TMEM62: variants seen among roughly 807,000 people sequenced by gnomAD.
TMEM62 encodes the protein transmembrane protein 62.
A neutral mutation model predicts 70.4 loss-of-function variants in TMEM62; 41 were observed. The observed-to-expected ratio is 0.58, with a 90% CI of 0.45 to 0.76. The LOEUF (loss-of-function observed/expected upper bound fraction) is 0.76, where lower values mean the gene tolerates loss of function less well. Ranked by LOEUF, TMEM62 falls within the 30% of genes least tolerant of loss-of-function variation. TMEM62 has a pLI of 0.00. For missense variants in TMEM62, 688 were observed against 788.5 expected, an observed-to-expected ratio of 0.87 and a Z score of 1.53; for synonymous variants, 268 against 291.0, an observed-to-expected ratio of 0.92 and a Z score of 0.80.
intron 10 of TMEM62, among the ~76,000 whole-genome samples, chr15:43,164,366 TAC>T (rs1235460708): frequency 6.6e-6 from 1 of 152,192 alleles, no homozygotes; most frequent in Non-Finnish European, 1.5e-5. Context: ...GTACCACAAT[TAC>T]AGTGTCAGAG....
intron 9 of TMEM62, among the ~76,000 whole-genome samples, chr15:43,157,366 G>A (rs1030390086): frequency 3.3e-5 from 5 of 152,090 alleles, no homozygotes; most frequent in African/African-American, 1.2e-4. Flanking sequence ...TGTAGTTTAA[G>A]ATTATTGTGC....
In TMEM62 at chr15:43,160,668, TGG is replaced by T. The variant is rs2038591722; in HGVS notation, c.1183-12_1183-11del. On this transcript the variant is annotated splice_polypyrimidine_tract_variant and intron_variant, in intron 9 of 13. Transcript: ENST00000260403. ...GTACATGAAAGTTACTTTTCTTCTG[TGG>T]TTATTACTAGGATTCTGCTGGAAGA... 6.9e-7 allele frequency: 1 copy of T among 1,453,142 alleles called. No homozygotes were observed. The highest frequency in any genetic ancestry group is 1.4e-5 in the African/African-American group (1 of 70,942). 90.0% of individuals were successfully genotyped at this position (1,453,142 alleles called of 1,614,324 possible). A position where few individuals can be genotyped will look rare whatever the true frequency, so the allele number is the denominator to read the frequency against.
intron 5 of TMEM62, 84 bp from the exon 6 acceptor site, chr15:43,148,671 C>A: frequency 6.7e-7 from 1 of 1,482,302 alleles, no homozygotes; most frequent in Non-Finnish European, 9.2e-7. Flanking sequence ...TATTATAAAT[C>A]TTCAGAGGAG....
chr15:43,154,478 G>A (rs1321097361), intron 8 of TMEM62, among the ~76,000 whole-genome samples, 194 bp from the exon 9 acceptor site: 1 of 152,172 alleles, frequency 6.6e-6, no homozygotes, highest in Non-Finnish European at 1.5e-5. Flanking sequence ...TACCAGTTCA[G>A]TTTTGCTAAT....
intron 7 of TMEM62, among the ~76,000 whole-genome samples, chr15:43,150,453 A>G (rs998370167): frequency 6.6e-6 from 1 of 152,138 alleles, no homozygotes; most frequent in African/African-American, 2.4e-5. Flanking sequence ...TTTTATTTGG[A>G]GCGTACTCCA....
intron 8 of TMEM62, 110 bp downstream of exon 8, chr15:43,152,055 C>G (rs2037460834): frequency 1.5e-6 from 1 of 686,138 alleles, no homozygotes; most frequent in Non-Finnish European, 2.3e-6. Flanking sequence ...TTAGTTTTCT[C>G]AACAACCTAA....
At chr15:43,158,881 T>C (rs1057220422) in intron 9 of TMEM62, among the ~76,000 whole-genome samples, 1 of 152,196 alleles carries the variant, frequency 6.6e-6, no homozygotes, top group Non-Finnish European at 1.5e-5. Context: ...AAAAAATATA[T>C]TGATGTATAA....
chr15:43,161,941 CAT>C (rs1272896751), intron 10 of TMEM62, among the ~76,000 whole-genome samples: 1 of 152,050 alleles, frequency 6.6e-6, no homozygotes, highest in African/African-American at 2.4e-5. Flanking sequence ...GGATTACAGG[CAT>C]GAGCCACCAT....
intron 4 of TMEM62, 112 bp downstream of exon 4, chr15:43,138,731 G>T (rs915580914): frequency 3.3e-6 from 3 of 918,220 alleles, no homozygotes; most frequent in Admixed American, 2.3e-5. Flanking sequence ...AGAGGCAGGG[G>T]TCTCGCTATT....
intron 2 of TMEM62, 60 bp downstream of exon 2, chr15:43,134,428 A>G (rs75930246): frequency 0.026 from 36,071 of 1,374,144 alleles, 615 homozygotes; most frequent in Non-Finnish European, 0.028. Context: ...AACTCTAGCC[A>G]GGGCTGTGGC....
chr15:43,181,306 A>G lies in TMEM62; in HGVS notation c.1605+7A>G. 6.4e-7 allele frequency: 1 copy of G among 1,565,902 alleles called. No homozygotes were observed. Among genetic ancestry groups the G allele is most frequent in the South Asian group, 1.1e-5 (1 of 89,868 alleles). ...TATAATTGGAATTCTCCAGGTAAGAAGTCAGAAAAGCAATTTAAGAACATC... is the reference window on the plus strand; with the variant it reads ...TATAATTGGAATTCTCCAGGTAAGAGGTCAGAAAAGCAATTTAAGAACATC... On this transcript the variant is annotated splice_region_variant and intron_variant, in intron 13 of 13. Transcript: ENST00000260403.
rs779755553 is a variant in TMEM62 at position 43,151,793 on chromosome 15, C to T, written c.870C>T (p.Tyr290=). 4 of 1,612,956 alleles carry T rather than the reference C, an allele frequency of 2.5e-6. No individual in the cohort carries two copies. In the Admixed American group the frequency reaches 5.0e-5, roughly 20 times the overall value. ...CTTATCATTATCTGGTCTTTAGGTACCGGATTTTTGCTTTTGATCACGACC... is the reference window on the plus strand; with the variant it reads ...CTTATCATTATCTGGTCTTTAGGTATCGGATTTTTGCTTTTGATCACGACC... ...EVGDWKDNRR[Y]RIFAFDHDLF... is the part of the protein sequence containing the mutation. The change falls in exon 8 of 14, where the codon TAC becomes TAT. Residue 290 remains tyrosine (Y), a synonymous_variant. Transcript: ENST00000260403.
chr15:43,175,586 C>G (rs1191138571), intron 11 of TMEM62, among the ~76,000 whole-genome samples: 1 of 152,162 alleles, frequency 6.6e-6, no homozygotes, highest in African/African-American at 2.4e-5. Flanking sequence ...TACACTTGGG[C>G]TTTTTGGCAC....
chr15:43,173,822 C>G (rs1198368679), intron 11 of TMEM62, among the ~76,000 whole-genome samples: 1 of 146,904 alleles, frequency 6.8e-6, no homozygotes, highest in Non-Finnish European at 1.5e-5. Flanking sequence ...TATACATTTT[C>G]TCCTTAACCA....
intron 10 of TMEM62, among the ~76,000 whole-genome samples, chr15:43,167,164 G>A (rs2039547771): frequency 1.3e-5 from 2 of 151,078 alleles, no homozygotes; most frequent in Middle Eastern, 3.4e-3. Flanking sequence ...CAGGCGGGGG[G>A]CTGACCCCCC....
At chr15:43,182,957 T>G (rs1262787020) in intron 13 of TMEM62, among the ~76,000 whole-genome samples, 2 of 152,232 alleles carry the variant, frequency 1.3e-5, no homozygotes, top group Non-Finnish European at 2.9e-5. Context: ...TCTAGACCTC[T>G]TCTCTGCACT....
At chr15:43,151,409 A>G (rs2037374541) in intron 7 of TMEM62, among the ~76,000 whole-genome samples, 1 of 152,232 alleles carries the variant, frequency 6.6e-6, no homozygotes, top group Middle Eastern at 3.4e-3. Flanking sequence ...TATTTTATGT[A>G]GCATTGTTGA....
At chr15:43,136,376 G>A (rs148339026) in intron 3 of TMEM62, among the ~76,000 whole-genome samples, 17 of 152,170 alleles carry the variant, frequency 1.1e-4, no homozygotes, top group African/African-American at 3.9e-4. Context: ...AAGTCACAAA[G>A]GATGAATTTT....
At chr15:43,140,174 G>A (rs2035801757) in intron 4 of TMEM62, among the ~76,000 whole-genome samples, 1 of 152,112 alleles carries the variant, frequency 6.6e-6, no homozygotes, top group South Asian at 2.1e-4. Flanking sequence ...TGTAGATTTT[G>A]CGCGCCAACC....
Sources: allele counts gnomAD v4.1 joint callset (sites outside exome capture counted in the v4.1 genomes callset), GRCh38; gene constraint gnomAD v4.1.1; transcripts MANE v1.5; gene names NCBI Gene and HGNC (gene_info 2026-07-23, HGNC 2026-07-21).